The following SVOPL variants were observed in gnomAD, a reference collection of about 807,000 sequenced individuals.
The protein encoded by SVOPL is SVOP like, also known as putative transporter SVOPL.
SVOPL carries 60 observed loss-of-function variants against 61.0 expected under a neutral mutation model. That is an observed-to-expected ratio of 0.98 (90% CI 0.80 to 1.22). The LOEUF (loss-of-function observed/expected upper bound fraction) is 1.22. SVOPL is among the 50% of genes most tolerant of loss of function. The pLI, the probability that SVOPL is intolerant of heterozygous loss-of-function variation, is 0.00. For synonymous variants in SVOPL, 279 were observed against 250.0 expected, an observed-to-expected ratio of 1.12 and a Z score of -1.09; for missense variants, 662 against 643.9, an observed-to-expected ratio of 1.03 and a Z score of -0.30.
rs1282875646 is a variant in SVOPL at position 138,625,985 on chromosome 7, T to C, written c.1247A>G (p.Tyr416Cys). 3.7e-6 allele frequency: 6 copies of C among 1,614,034 alleles called. No homozygotes were observed. Among genetic ancestry groups the C allele is most frequent in the African/African-American group, 2.7e-5 (2 of 74,920 alleles). ...ALVAANFNTV[Y>C]IYTAEVYPTT... is the part of the protein sequence containing the mutation. ...AAAACTCACCTCAGCTGTGTAAATG[T>C]AGACGGTGTTGAAGTTTGCAGCTAC... is the stretch of plus-strand genomic sequence containing the variant. Residue 416 changes from tyrosine (Y) to cysteine (C), a missense_variant, in exon 13 of 16, where the codon TAC (tyrosine) becomes TGC (cysteine). Physicochemically the swap from Tyr to Cys is radical, Grantham distance 194. Coordinates refer to ENST00000674285, the MANE Select transcript of SVOPL (RefSeq NM_001139456.2).
rs1384057400 is a variant in SVOPL, at chr7:138,611,702, A to ACTT, written c.1353+9343_1353+9344insAAG. On this transcript the variant is annotated intron_variant, in intron 14 of 15. Coordinates refer to ENST00000674285, the MANE Select transcript of SVOPL (RefSeq NM_001139456.2). ...AGGGTTTTTTTGTGACCCTTGAAAG[A>ACTT]TAAGACTTTGGTTAAAAGATTGAAA... 2.7e-4 allele frequency among the ~76,000 whole-genome samples: 20 copies of ACTT among 74,246 alleles called. 2 individuals carry two copies. Among genetic ancestry groups the ACTT allele is most frequent in the South Asian group, 1.8e-3 (2 of 1,128 alleles). 48.7% of individuals were successfully genotyped at this position (74,246 alleles called of 152,430 possible). A position where few individuals can be genotyped will look rare whatever the true frequency, so the allele number is the denominator to read the frequency against.
At chr7:138,622,080 A>G (rs1799639064) in intron 13 of SVOPL, among the ~76,000 whole-genome samples, 1 of 141,946 alleles carries the variant, frequency 7.0e-6, no homozygotes, top group African/African-American at 2.5e-5. Context: ...GTATCTATCT[A>G]TCTATCTATG....
chr7:138,689,550 T>G, intron 1 of SVOPL: 1 of 492,946 alleles, frequency 2.0e-6, no homozygotes. Flanking sequence ...TAAATGAAAT[T>G]AAAAGTAAAA....
chr7:138,666,076 G>A (rs538349213), intron 4 of SVOPL, among the ~76,000 whole-genome samples: 70 of 152,292 alleles, frequency 4.6e-4, no homozygotes, highest in African/African-American at 1.5e-3. Context: ...GTTCTACCTC[G>A]GACTGATGCC....
At chr7:138,603,487 C>T (rs1277933234) in intron 14 of SVOPL, among the ~76,000 whole-genome samples, 1 of 152,074 alleles carries the variant, frequency 6.6e-6, no homozygotes, top group Non-Finnish European at 1.5e-5. Context: ...AGTTTGAGAC[C>T]AGCCTGGCCA....
intron 7 of SVOPL, among the ~76,000 whole-genome samples, chr7:138,653,149 C>T (rs942690404): frequency 6.6e-6 from 1 of 152,170 alleles, no homozygotes; most frequent in Non-Finnish European, 1.5e-5. Flanking sequence ...GAGTCTGAAG[C>T]TAGCAGGGGT....
intron 9 of SVOPL, among the ~76,000 whole-genome samples, chr7:138,637,463 T>TATATATATATAGATATAGATATAG (rs1554463004): frequency 2.1e-4 from 4 of 19,112 alleles, no homozygotes; most frequent in African/African-American, 5.6e-4. Context: ...TAGATATATA[T>TATATATATATAGATATAGATATAG]ATATAGATAT....
intron 7 of SVOPL, among the ~76,000 whole-genome samples, chr7:138,653,185 G>A (rs77706837): frequency 0.015 from 2,359 of 152,240 alleles, 57 homozygotes; most frequent in African/African-American, 0.053. Context: ...AAGGGAAGAC[G>A]CTGTCTCCGT....
intron 9 of SVOPL, among the ~76,000 whole-genome samples, chr7:138,636,047 C>A (rs888204430): frequency 2.0e-5 from 3 of 151,866 alleles, no homozygotes; most frequent in Non-Finnish European, 2.9e-5. Flanking sequence ...GCCTCCCAAG[C>A]AGCTGGGAGT....
In SVOPL at chr7:138,696,961, G is replaced by A. The variant is rs142059382; in HGVS notation, c.-35+4217C>T. ...AGGGATAGGCACTTGACCTGGAGAC[G>A]ATCAAATGATTGGTCAGAAGTCCAC... is the stretch of plus-strand genomic sequence containing the variant. On this transcript the variant is annotated intron_variant, in intron 1 of 15. Coordinates refer to ENST00000674285, the MANE Select transcript of SVOPL (RefSeq NM_001139456.2). 2.1e-3 allele frequency among the ~76,000 whole-genome samples: 321 copies of A among 152,288 alleles called. 1 individual carries two copies. The highest frequency in any genetic ancestry group is 0.01 in the Middle Eastern group (3 of 294).
chr7:138,618,051 G>A (rs576173718), intron 14 of SVOPL, among the ~76,000 whole-genome samples: 2 of 152,216 alleles, frequency 1.3e-5, no homozygotes, highest in African/African-American at 2.4e-5. Context: ...CTAAACCGAG[G>A]CAAATATCCT....
At chr7:138,654,868 C>CTTT (rs34598728) in intron 7 of SVOPL, among the ~76,000 whole-genome samples, 11 of 135,268 alleles carry the variant, frequency 8.1e-5, no homozygotes, top group African/African-American at 2.8e-4. Context: ...GTTTCACTTC[C>CTTT]TTTTTTTTTT....
At chr7:138,606,759 G>C (rs1413774432) in intron 14 of SVOPL, among the ~76,000 whole-genome samples, 2 of 152,142 alleles carry the variant, frequency 1.3e-5, no homozygotes, top group Non-Finnish European at 2.9e-5. Context: ...TTCAAGACCA[G>C]CCTGGCCAAC....
chr7:138,647,946 G>C (rs998458823), intron 8 of SVOPL, among the ~76,000 whole-genome samples: 8 of 151,790 alleles, frequency 5.3e-5, no homozygotes, highest in Admixed American at 1.3e-4. Flanking sequence ...TCGAGGTTTA[G>C]AATGAATGGC....
At chr7:138,646,744 C>T (rs1801134863) in intron 8 of SVOPL, among the ~76,000 whole-genome samples, 1 of 152,026 alleles carries the variant, frequency 6.6e-6, no homozygotes, top group Non-Finnish European at 1.5e-5. Context: ...GTCTTGAACT[C>T]CTGGGCTCAA....
rs1381062161 is a variant in SVOPL at position 138,594,347 on chromosome 7, G to C, written c.*263C>G. The C allele has an allele frequency of 7.1e-6, 2 of 283,204 alleles. No homozygotes were observed. The highest frequency in any genetic ancestry group is 5.8e-5 in the East Asian group (1 of 17,178). 17.5% of individuals were successfully genotyped at this position (283,204 alleles called of 1,614,324 possible). On this transcript the variant is annotated 3_prime_UTR_variant, in exon 16 of 16. Coordinates refer to ENST00000674285, the MANE Select transcript of SVOPL (RefSeq NM_001139456.2). Reference sequence around the variant, plus strand: ...ACAGACTTGATTTCAATGAAGAAAAGCCATCTTCCCCCCCACCATCTCCCT... The same window carrying C: ...ACAGACTTGATTTCAATGAAGAAAACCCATCTTCCCCCCCACCATCTCCCT...
chr7:138,615,917 CAA>C (rs1799278624), intron 14 of SVOPL, among the ~76,000 whole-genome samples: 1 of 151,922 alleles, frequency 6.6e-6, no homozygotes, highest in African/African-American at 2.4e-5. Flanking sequence ...TGTGAGGACA[CAA>C]GAAGGTAGCT....
chr7:138,607,000 C>T (rs968596752), intron 14 of SVOPL, among the ~76,000 whole-genome samples: 1 of 149,816 alleles, frequency 6.7e-6, no homozygotes, highest in Non-Finnish European at 1.5e-5. Context: ...AGGACTTGCC[C>T]TAACTGTCTG....
chr7:138,598,899 C>G (rs984080284), intron 14 of SVOPL, among the ~76,000 whole-genome samples: 1 of 151,956 alleles, frequency 6.6e-6, no homozygotes, highest in African/African-American at 2.4e-5. Context: ...ATATAATCTT[C>G]ACCAAAACAA....
Sources: allele counts gnomAD v4.1 joint callset (sites outside exome capture counted in the v4.1 genomes callset), GRCh38; gene constraint gnomAD v4.1.1; transcripts MANE v1.5; gene names NCBI Gene and HGNC (gene_info 2026-07-23, HGNC 2026-07-21).